The following DIP2B variants were observed in gnomAD, a reference collection of about 807,000 sequenced individuals.
DIP2B encodes disco-interacting protein 2 homolog B.
A neutral mutation model predicts 198.0 loss-of-function variants in DIP2B; 76 were observed. That is an observed-to-expected ratio of 0.38 (90% CI 0.32 to 0.46). The LOEUF (loss-of-function observed/expected upper bound fraction) is 0.46, where lower values mean the gene tolerates loss of function less well. Among genes scored for constraint, DIP2B ranks in the 20% least tolerant of loss-of-function variants. The probability of loss-of-function intolerance (pLI) is 0.99; values close to 1 mark genes in which losing one functional copy is unlikely to be tolerated. For synonymous variants in DIP2B, 701 were observed against 739.1 expected (o/e 0.95, Z 0.84); for missense variants, 1,559 against 1,978.4 (o/e 0.79, Z 4.02).
At chr12:50,549,184 A>G (rs1958403577) in intron 1 of DIP2B, among the ~76,000 whole-genome samples, 1 of 151,380 alleles carries the variant, frequency 6.6e-6, no homozygotes, top group Non-Finnish European at 1.5e-5. Context: ...AAAAAAAAAA[A>G]AGGGCTGGGC....
chr12:50,644,682 A>G (rs971331875), intron 3 of DIP2B, among the ~76,000 whole-genome samples: 2 of 152,200 alleles, frequency 1.3e-5, no homozygotes, highest in African/African-American at 4.8e-5. Flanking sequence ...GTCAAGGTTT[A>G]TCATGTTAGA....
At position 50,745,065 on chromosome 12, in the gene DIP2B, T is replaced by A. The variant is rs906022046; in HGVS notation, c.*226T>A. 5.2e-6 allele frequency: 3 copies of A among 573,902 alleles called. No individual in the cohort carries two copies. The highest frequency in any genetic ancestry group is 3.7e-5 in the African/African-American group (2 of 53,606). The allele number at this position is 573,902 out of a possible 1,614,324, so 35.6% of individuals were successfully genotyped here. On this transcript the variant is annotated 3_prime_UTR_variant, in exon 38 of 38. Coordinates refer to ENST00000301180, the MANE Select transcript of DIP2B (RefSeq NM_173602.3). The stretch of plus-strand genomic sequence containing the variant: ...GGTAGACATGTGCTTTGACATAGCG[T>A]GAGCAGCACATTACTAAAGCAATTA...
chr12:50,654,933 A>G (rs909020185), intron 3 of DIP2B: 1 of 427,764 alleles, frequency 2.3e-6, no homozygotes, highest in Non-Finnish European at 4.7e-6. Context: ...GTAGTAATGC[A>G]GTGTGGTAAA....
At chr12:50,600,937 C>T (rs866664966) in intron 1 of DIP2B, among the ~76,000 whole-genome samples, 3 of 136,882 alleles carry the variant, frequency 2.2e-5, no homozygotes, top group African/African-American at 6.2e-5. Context: ...CCACCACCAC[C>T]ACTACCACCA....
At chr12:50,680,530 G>GGGGT (rs1328287946) in intron 8 of DIP2B, 142 bp from the exon 9 acceptor site, 12 of 685,110 alleles carry the variant, frequency 1.8e-5, no homozygotes, top group Non-Finnish European at 2.7e-5. Context: ...CTGTGTGTTG[G>GGGGT]GGGTGAATGA....
chr12:50,594,912 G>A (rs970641605), intron 1 of DIP2B, among the ~76,000 whole-genome samples: 1 of 152,158 alleles, frequency 6.6e-6, no homozygotes, highest in Non-Finnish European at 1.5e-5. Context: ...TGAAATAACT[G>A]TCAGGTTTGA....
Position 50,718,956 on chromosome 12 carries a change from A to T in DIP2B, c.2963A>T (p.His988Leu). The T allele has an allele frequency of 6.2e-7, 1 of 1,614,202 alleles. No homozygotes were observed. The stretch of plus-strand genomic sequence containing the variant: ...CCTTTTTCTGGTTTATGACTTCAGC[A>T]CCAGTTTCTGGCAGAGATCCTACAG... ...QIEENDLVRK[H>L]QFLAEILQWR... The change falls in exon 25 of 38, where the codon CAC (histidine) becomes CTC (leucine). Residue 988 changes from histidine (H) to leucine (L), a missense_variant and splice_region_variant. His to Leu is a moderately conservative substitution (Grantham distance 99). Transcript: ENST00000301180.
At chr12:50,565,096 C>T (rs1180171173) in intron 1 of DIP2B, among the ~76,000 whole-genome samples, 1 of 151,488 alleles carries the variant, frequency 6.6e-6, no homozygotes, top group East Asian at 1.9e-4. Context: ...CTTGACCTCC[C>T]GACTCAAGTG....
At chr12:50,516,451 G>A (rs529983906) in intron 1 of DIP2B, among the ~76,000 whole-genome samples, 2 of 151,808 alleles carry the variant, frequency 1.3e-5, no homozygotes, top group African/African-American at 2.4e-5. Context: ...ATGGGGTCTC[G>A]TTATGTTTCC....
chr12:50,588,426 A>AGG, intron 1 of DIP2B, among the ~76,000 whole-genome samples: 1 of 152,290 alleles, frequency 6.6e-6, no homozygotes, highest in Non-Finnish European at 1.5e-5. Context: ...CTGGAATTAC[A>AGG]GGCACGAGCC....
intron 25 of DIP2B, among the ~76,000 whole-genome samples, chr12:50,720,818 A>G (rs772757325): frequency 1.3e-5 from 2 of 152,002 alleles, no homozygotes; most frequent in Non-Finnish European, 2.9e-5. Context: ...CGTCCCATAC[A>G]TGTCTTTTTG....
In DIP2B at chr12:50,623,510, GACACAC is replaced by G. The variant is rs149507592; in HGVS notation, c.101-2453_101-2448del. ...AAACAATTTAGTATATAGCCTTCCA[GACACAC>G]ACACACACACACGCACACACACACA... is the stretch of plus-strand genomic sequence containing the variant. On this transcript the variant is annotated intron_variant, in intron 1 of 37. Coordinates refer to ENST00000301180, the MANE Select transcript of DIP2B (RefSeq NM_173602.3). 6.1e-3 allele frequency among the ~76,000 whole-genome samples: 449 copies of G among 74,090 alleles called. 2 individuals carry two copies. The highest frequency in any genetic ancestry group is 0.022 in the African/African-American group (433 of 19,714). The allele number at this position is 74,090 out of a possible 152,430, so 48.6% of individuals were successfully genotyped here.
chr12:50,538,830 A>G (rs1255956126), intron 1 of DIP2B, among the ~76,000 whole-genome samples: 2 of 152,166 alleles, frequency 1.3e-5, no homozygotes, highest in Non-Finnish European at 1.5e-5. Flanking sequence ...AAAAGCAAAC[A>G]TAGTATTTTA....
At chr12:50,641,795 A>G (rs1367401207) in intron 3 of DIP2B, among the ~76,000 whole-genome samples, 3 of 152,170 alleles carry the variant, frequency 2.0e-5, no homozygotes, top group African/African-American at 7.2e-5. Context: ...GTGGTGCAGC[A>G]GGCCCTTCCC....
intron 1 of DIP2B, among the ~76,000 whole-genome samples, chr12:50,523,811 A>C (rs1232948827): frequency 6.6e-6 from 1 of 152,188 alleles, no homozygotes; most frequent in Non-Finnish European, 1.5e-5. Context: ...TGTCTTCCCA[A>C]TTTCCTCAAA....
At chr12:50,593,717 T>TCTCCCCTCCTCTCCTCTCCC (rs1214354084) in intron 1 of DIP2B, among the ~76,000 whole-genome samples, 10 of 11,274 alleles carry the variant, frequency 8.9e-4, no homozygotes, top group African/African-American at 5.8e-3. Context: ...CCTCCTCTCC[T>TCTCCCCTCCTCTCCTCTCCC]CTCCTCTCCT....
chr12:50,588,580 A>G (rs1408612024), intron 1 of DIP2B, among the ~76,000 whole-genome samples: 1 of 152,152 alleles, frequency 6.6e-6, no homozygotes, highest in Admixed American at 6.5e-5. Flanking sequence ...TTTTTGGGGA[A>G]TGCTGTCTGA....
chr12:50,681,287 T>A (rs1221457102), intron 9 of DIP2B, among the ~76,000 whole-genome samples: 1 of 151,904 alleles, frequency 6.6e-6, no homozygotes, highest in Non-Finnish European at 1.5e-5. Context: ...TTTTTTTTAA[T>A]TAGCTGGGTG....
rs62685162 is a variant in DIP2B, at chr12:50,578,504, C to CTT, written c.101-47452_101-47451dup. On this transcript the variant is annotated intron_variant, in intron 1 of 37. Transcript: ENST00000301180. ...TAATGATATTAAGATGTTATTTGCT[C>CTT]TTTTTTTTTTTTTTTTTTTTTGAGA... Among the ~76,000 whole-genome samples, 962 of 111,580 alleles carry CTT rather than the reference C, an allele frequency of 8.6e-3. 9 individuals carry two copies. Among genetic ancestry groups the CTT allele is most frequent in the Middle Eastern group, 0.016 (3 of 190 alleles). 73.2% of individuals were successfully genotyped at this position (111,580 alleles called of 152,430 possible). A position where few individuals can be genotyped will look rare whatever the true frequency, so the allele number is the denominator to read the frequency against.
Sources: gnomAD v4.1 joint callset for allele counts (sites outside exome capture counted in the v4.1 genomes callset) on GRCh38, gnomAD v4.1.1 for gene constraint, MANE v1.5 for transcripts, NCBI Gene and HGNC (gene_info 2026-07-23, HGNC 2026-07-21) for gene names.